Variants in SLC44A5 observed in about 807,000 individuals in gnomAD.
SLC44A5 encodes the protein choline transporter-like protein 5.
A neutral mutation model predicts 101.8 loss-of-function variants in SLC44A5; 57 were observed. The ratio of observed to expected loss-of-function variants is 0.56; its 90% confidence interval spans 0.45 to 0.70. The LOEUF (loss-of-function observed/expected upper bound fraction) is 0.70, where lower values mean the gene tolerates loss of function less well. Ranked by LOEUF, SLC44A5 falls within the 30% of genes least tolerant of loss-of-function variation. The pLI is 0.00. For missense variants in SLC44A5, 737 were observed against 853.1 expected (o/e 0.86, Z 1.70); for synonymous variants, 281 against 290.9 (o/e 0.97, Z 0.35).
At chr1:75,665,609 C>T in the SLC44A5 span, among the ~76,000 whole-genome samples, 2 of 151,950 alleles carry the variant, frequency 1.3e-5, no homozygotes, top group Non-Finnish European at 2.9e-5. Context: ...AAAGCAGAGC[C>T]TAATTAAAAG....
intron 1 of SLC44A5, among the ~76,000 whole-genome samples, chr1:75,557,089 T>C (rs2101997059): frequency 6.6e-6 from 1 of 152,054 alleles, no homozygotes; most frequent in South Asian, 2.1e-4. Flanking sequence ...AGGAAGAAGG[T>C]GATTGTAGAT....
intron 2 of SLC44A5, among the ~76,000 whole-genome samples, chr1:75,531,051 C>G (rs1264880110): frequency 2.0e-5 from 3 of 152,174 alleles, no homozygotes; most frequent in African/African-American, 7.2e-5. Context: ...CCTATTGCAG[C>G]TTTATCAAGA....
intron 2 of SLC44A5, among the ~76,000 whole-genome samples, chr1:75,397,738 TG>T (rs1314662139): frequency 2.0e-5 from 3 of 152,140 alleles, no homozygotes; most frequent in Non-Finnish European, 4.4e-5. Flanking sequence ...AAAGTCACAC[TG>T]CTAGTAAGTG....
At chr1:75,225,533 G>A (rs940362679) in intron 13 of SLC44A5, among the ~76,000 whole-genome samples, 1 of 152,012 alleles carries the variant, frequency 6.6e-6, no homozygotes, top group African/African-American at 2.4e-5. Context: ...TGGCACCTGG[G>A]GGCTAAGAGA....
At chr1:75,263,874 A>G (rs764110229) in intron 6 of SLC44A5, among the ~76,000 whole-genome samples, 5 of 152,092 alleles carry the variant, frequency 3.3e-5, no homozygotes, top group Admixed American at 1.3e-4. Context: ...GCAAACTAAA[A>G]CAAGAACAGA....
intron 2 of SLC44A5, among the ~76,000 whole-genome samples, chr1:75,468,102 A>C (rs552826113): frequency 6.6e-6 from 1 of 152,320 alleles, no homozygotes; most frequent in African/African-American, 2.4e-5. Flanking sequence ...GAGGAATGCA[A>C]GTCAAACTAC....
At chr1:75,550,495 A>G (rs1389906172) in intron 1 of SLC44A5, among the ~76,000 whole-genome samples, 1 of 152,104 alleles carries the variant, frequency 6.6e-6, no homozygotes, top group Non-Finnish European at 1.5e-5. Flanking sequence ...TTGTGAATGT[A>G]TTGAAAGCCA....
chr1:75,446,570 T>A (rs1004809584), intron 2 of SLC44A5, among the ~76,000 whole-genome samples: 8 of 152,120 alleles, frequency 5.3e-5, no homozygotes, highest in African/African-American at 1.9e-4. Context: ...ATTTTGTAAA[T>A]CTCCTCCATT....
chr1:75,287,225 G>A (rs1159087438), intron 5 of SLC44A5, among the ~76,000 whole-genome samples: 1 of 151,642 alleles, frequency 6.6e-6, no homozygotes, highest in East Asian at 1.9e-4. Flanking sequence ...TTTCAATTCT[G>A]CTGTTGAGAA....
the SLC44A5 span, among the ~76,000 whole-genome samples, chr1:75,675,761 A>G: frequency 6.6e-6 from 1 of 152,216 alleles, no homozygotes; most frequent in South Asian, 2.1e-4. Flanking sequence ...ATCAGAGTGA[A>G]CAGACAACCT....
chr1:75,522,790 A>G (rs1183349298), intron 2 of SLC44A5, among the ~76,000 whole-genome samples: 3 of 152,212 alleles, frequency 2.0e-5, no homozygotes, highest in Non-Finnish European at 4.4e-5. Context: ...TGTGACTTAA[A>G]TTGTACTTGC....
chr1:75,338,206 G>A (rs1247400130), intron 4 of SLC44A5, among the ~76,000 whole-genome samples: 4 of 152,122 alleles, frequency 2.6e-5, no homozygotes, highest in African/African-American at 4.8e-5. Context: ...ATCACAAAAG[G>A]CCCCAGGTAA....
intron 2 of SLC44A5, among the ~76,000 whole-genome samples, chr1:75,537,247 T>C (rs1671105560): frequency 6.6e-6 from 1 of 151,968 alleles, no homozygotes. Context: ...GGATCTCCTT[T>C]TCCAGAAATA....
chr1:75,420,602 A>G (rs1663943940), intron 2 of SLC44A5, among the ~76,000 whole-genome samples: 1 of 152,174 alleles, frequency 6.6e-6, no homozygotes, highest in Non-Finnish European at 1.5e-5. Flanking sequence ...CTGACTATTC[A>G]ATATAAATTC....
chr1:75,608,991 C>T (rs1387847398), intron 1 of SLC44A5, among the ~76,000 whole-genome samples: 1 of 151,714 alleles, frequency 6.6e-6, no homozygotes, highest in African/African-American at 2.4e-5. Context: ...ATAGTGTAAA[C>T]CTCATGAAGA....
chr1:75,694,128 T>C, the SLC44A5 span, among the ~76,000 whole-genome samples: 19 of 151,346 alleles, frequency 1.3e-4, no homozygotes, highest in African/African-American at 4.6e-4. Context: ...CAAACGTTGA[T>C]GTAGAAGAGG....
intron 4 of SLC44A5, among the ~76,000 whole-genome samples, chr1:75,304,460 A>G (rs1399062748): frequency 6.6e-6 from 1 of 152,206 alleles, no homozygotes; most frequent in Admixed American, 6.5e-5. Context: ...TGAACAAATC[A>G]AAATATAGCT....
At chr1:75,678,728 G>C in the SLC44A5 span, among the ~76,000 whole-genome samples, 1 of 151,858 alleles carries the variant, frequency 6.6e-6, no homozygotes, top group African/African-American at 2.4e-5. Flanking sequence ...AAGGAACGCA[G>C]CTCCTCACCA....
At chr1:75,598,649 T>C (rs1674792863) in intron 1 of SLC44A5, among the ~76,000 whole-genome samples, 1 of 152,176 alleles carries the variant, frequency 6.6e-6, no homozygotes, top group Non-Finnish European at 1.5e-5. Context: ...CTGGAGGCCA[T>C]CATCCTTAGC....
Sources: gnomAD v4.1 joint callset for allele counts (sites outside exome capture counted in the v4.1 genomes callset) on GRCh38, gnomAD v4.1.1 for gene constraint, MANE v1.5 for transcripts, NCBI Gene and HGNC (gene_info 2026-07-23, HGNC 2026-07-21) for gene names.